The following NECTIN3 variants were observed in gnomAD, a reference collection of about 807,000 sequenced individuals.
NECTIN3 encodes nectin-3.
NECTIN3 carries 8 observed loss-of-function variants against 49.4 expected under a neutral mutation model. That is an observed-to-expected ratio of 0.16 (90% CI 0.10 to 0.29). NECTIN3 has a LOEUF of 0.29. Ranked by LOEUF, NECTIN3 falls within the 10% of genes least tolerant of loss-of-function variation. NECTIN3 has a pLI of 1.00. For synonymous variants in NECTIN3, 277 were observed against 241.1 expected (o/e 1.15, Z -1.38); for missense variants, 581 against 654.6 (o/e 0.89, Z 1.23).
chr3:111,086,940 A>C (rs1187463932), intron 1 of NECTIN3, among the ~76,000 whole-genome samples: 2 of 151,990 alleles, frequency 1.3e-5, no homozygotes. Context: ...TATAACTGTA[A>C]ATTTTAGATT....
chr3:111,130,389 A>G (rs2034343962), intron 5 of NECTIN3, among the ~76,000 whole-genome samples: 1 of 151,972 alleles, frequency 6.6e-6, no homozygotes, highest in Admixed American at 6.6e-5. Flanking sequence ...TATCCTAGGT[A>G]TAATGCTGCC....
chr3:111,082,722 G>A (rs879486266), intron 1 of NECTIN3, among the ~76,000 whole-genome samples: 1 of 152,158 alleles, frequency 6.6e-6, no homozygotes, highest in Non-Finnish European at 1.5e-5. Context: ...GATGATTGAA[G>A]TGCATTGCAT....
upstream of NECTIN3, among the ~76,000 whole-genome samples, chr3:111,188,003 T>G (rs528574260): frequency 7.2e-5 from 11 of 152,336 alleles, no homozygotes; most frequent in African/African-American, 2.6e-4. Flanking sequence ...GCAAGTATGT[T>G]CATAGTTGTG....
intron 7 of NECTIN3, among the ~76,000 whole-genome samples, chr3:111,159,268 A>G (rs1160909968): frequency 6.6e-6 from 1 of 152,092 alleles, no homozygotes; most frequent in Non-Finnish European, 1.5e-5. Flanking sequence ...AAACACCAAT[A>G]TTGTCCTGAG....
chr3:111,112,449 T>G, intron 2 of NECTIN3, 78 bp downstream of exon 2: 1 of 922,850 alleles, frequency 1.1e-6, no homozygotes, highest in Non-Finnish European at 1.6e-6. Context: ...ATTAAAATGG[T>G]TGAAATTTGA....
intron 1 of NECTIN3, among the ~76,000 whole-genome samples, chr3:111,081,813 G>A (rs947823942): frequency 3.3e-5 from 5 of 152,146 alleles, no homozygotes; most frequent in Non-Finnish European, 7.3e-5. Context: ...GTGTTCTCAT[G>A]TGACTCAAGC....
chr3:111,121,042 G>T (rs545247747), intron 3 of NECTIN3, among the ~76,000 whole-genome samples: 1 of 130,076 alleles, frequency 7.7e-6, no homozygotes, highest in South Asian at 2.3e-4. Context: ...TCACTCTGTC[G>T]CCCAGGCTGG....
At chr3:111,077,426 C>A (rs1028463414) in intron 1 of NECTIN3, 111 of 209,922 alleles carry the variant, frequency 5.3e-4, no homozygotes, top group Middle Eastern at 2.4e-3. Flanking sequence ...AGGCTTTCAG[C>A]CTAGGTTTTA....
chr3:111,139,224 A>G (rs537337902), downstream of NECTIN3, among the ~76,000 whole-genome samples: 1 of 151,842 alleles, frequency 6.6e-6, no homozygotes, highest in Admixed American at 6.6e-5. Context: ...ATTCCCTAAC[A>G]TTCTGTCAAG....
At chr3:111,115,934 T>G (rs1395728623) in intron 2 of NECTIN3, among the ~76,000 whole-genome samples, 1 of 40,210 alleles carries the variant, frequency 2.5e-5, no homozygotes, top group African/African-American at 3.4e-5. Context: ...TGGGCACATC[T>G]GAATAAAAAC....
At chr3:111,092,928 A>G (rs1030617357) in intron 1 of NECTIN3, among the ~76,000 whole-genome samples, 10 of 152,222 alleles carry the variant, frequency 6.6e-5, no homozygotes, top group Admixed American at 3.9e-4. Flanking sequence ...TTAACTGTTG[A>G]TACATGAACA....
Position 111,136,153 on chromosome 3 carries a change from T to C in NECTIN3, c.*1938T>C. Reference sequence around the variant, plus strand: ...TGTAAAACTATGGCTTTTTTTAAAATCAAAATTTCATCTTTTAAAATAATG... The same window carrying C: ...TGTAAAACTATGGCTTTTTTTAAAACCAAAATTTCATCTTTTAAAATAATG... On this transcript the variant is annotated 3_prime_UTR_variant, in exon 6 of 6. Coordinates refer to ENST00000485303, the MANE Select transcript of NECTIN3 (RefSeq NM_015480.3). 4.1e-6 allele frequency: 4 copies of C among 980,284 alleles called. No homozygotes were observed. Among genetic ancestry groups the C allele is most frequent in the Non-Finnish European group, 4.8e-6 (4 of 825,458 alleles). The allele number at this position is 980,284 out of a possible 1,614,324, so 60.7% of individuals were successfully genotyped here.
intron 7 of NECTIN3, among the ~76,000 whole-genome samples, chr3:111,167,821 C>T (rs568305936): frequency 6.6e-6 from 1 of 152,206 alleles, no homozygotes; most frequent in South Asian, 2.1e-4. Flanking sequence ...TGGGAAAAAT[C>T]CCCCTTTTCA....
At chr3:111,186,879 C>G (rs1393120468) in intron 7 of NECTIN3, among the ~76,000 whole-genome samples, 1 of 152,064 alleles carries the variant, frequency 6.6e-6, no homozygotes, top group Non-Finnish European at 1.5e-5. Context: ...GGAAAAGATA[C>G]AAGAATAATA....
chr3:111,095,745 A>C (rs2032547354), intron 1 of NECTIN3, among the ~76,000 whole-genome samples: 1 of 152,080 alleles, frequency 6.6e-6, no homozygotes, highest in African/African-American at 2.4e-5. Flanking sequence ...TACAAAGGGG[A>C]GTTTCCTTGC....
At position 111,079,674 on chromosome 3, in the gene NECTIN3, T is replaced by C. The variant is rs183791413; in HGVS notation, c.160+7497T>C. ...AGGACTAAAACATGATAGCAGCATT[T>C]CTCACTTAATCATAAGCCTGCTTAT... On this transcript the variant is annotated intron_variant, in intron 1 of 5. Coordinates refer to ENST00000485303, the MANE Select transcript of NECTIN3 (RefSeq NM_015480.3). Among the ~76,000 whole-genome samples the C allele has an allele frequency of 1.5e-3, 221 of 151,906 alleles. 1 individual carries two copies. Among genetic ancestry groups the C allele is most frequent in the African/African-American group, 4.9e-3 (203 of 41,500 alleles).
chr3:111,102,226 G>A (rs2032945032), intron 1 of NECTIN3, among the ~76,000 whole-genome samples: 1 of 152,070 alleles, frequency 6.6e-6, no homozygotes, highest in African/African-American at 2.4e-5. Flanking sequence ...CAATTTTAAG[G>A]TGATGAAACA....
In NECTIN3 at chr3:111,135,955, T is replaced by C. The variant is rs1021364049; in HGVS notation, c.*1740T>C. On this transcript the variant is annotated 3_prime_UTR_variant, in exon 6 of 6. Transcript: ENST00000485303. Reference sequence around the variant, plus strand: ...AAGTTCACTTATATCTTCTTACAAATGTCTGGGTTTTAATATGGTTAATCA... The same window carrying C: ...AAGTTCACTTATATCTTCTTACAAACGTCTGGGTTTTAATATGGTTAATCA... 3.2e-6 allele frequency: 3 copies of C among 934,096 alleles called. No individual in the cohort carries two copies. Among genetic ancestry groups the C allele is most frequent in the South Asian group, 9.9e-5 (2 of 20,186 alleles). 57.9% of individuals were successfully genotyped at this position (934,096 alleles called of 1,614,324 possible).
intron 1 of NECTIN3, among the ~76,000 whole-genome samples, chr3:111,084,240 T>G (rs1295898286): frequency 6.6e-6 from 1 of 151,322 alleles, no homozygotes; most frequent in East Asian, 1.9e-4. Flanking sequence ...TGATAAACTT[T>G]TAGAATGAGT....
Sources: allele counts gnomAD v4.1 joint callset (sites outside exome capture counted in the v4.1 genomes callset), GRCh38; gene constraint gnomAD v4.1.1; transcripts MANE v1.5; gene names NCBI Gene and HGNC (gene_info 2026-07-23, HGNC 2026-07-21).